Variants in CLMN observed in about 807,000 individuals in gnomAD.
CLMN encodes the protein calmin.
Under a neutral mutation model 92.7 loss-of-function variants are expected in CLMN, and 57 were observed. The ratio of observed to expected loss-of-function variants is 0.61; its 90% CI spans 0.50 to 0.77. The LOEUF (loss-of-function observed/expected upper bound fraction) is 0.77. CLMN is among the 30% of genes least tolerant of loss of function. The pLI is 0.00. For synonymous variants in CLMN, 466 were observed against 470.6 expected (o/e 0.99, Z 0.13); for missense variants, 1,158 against 1,237.5 (o/e 0.94, Z 0.96).
intron 9 of CLMN, among the ~76,000 whole-genome samples, chr14:95,200,229 G>A (rs185423695): frequency 1.1e-3 from 173 of 152,222 alleles, no homozygotes; most frequent in African/African-American, 3.6e-3. Context: ...GGATCTGGGT[G>A]GGAGCCTCCT....
In CLMN at chr14:95,215,578, T is replaced by C. The variant is rs1897313513; in HGVS notation, c.417+63A>G. 3 of 1,441,644 alleles carry C rather than the reference T, an allele frequency of 2.1e-6. No individual in the cohort carries two copies. The South Asian group carries it at 3.4e-5, about 16-fold the overall frequency. The allele number at this position is 1,441,644 out of a possible 1,614,324, so 89.3% of individuals were successfully genotyped here. ...CCTCCCTTAATCTGGCCCCACTCTC[T>C]TCTGTGGCTGCTCAGCAGACACAAG... On this transcript the variant is annotated intron_variant, in intron 5 of 12. Transcript: ENST00000298912.
At chr14:95,318,554 G>A (rs553275605) in intron 1 of CLMN, among the ~76,000 whole-genome samples, 139 of 152,180 alleles carry the variant, frequency 9.1e-4, no homozygotes, top group African/African-American at 2.8e-3. Flanking sequence ...ATCCCCCAGC[G>A]CTGGGGCTCC....
intron 4 of CLMN, among the ~76,000 whole-genome samples, chr14:95,216,834 G>A (rs1897365133): frequency 6.6e-6 from 1 of 152,196 alleles, no homozygotes; most frequent in South Asian, 2.1e-4. Flanking sequence ...TCTGTATCAC[G>A]TGGGACCCCC....
intron 1 of CLMN, among the ~76,000 whole-genome samples, chr14:95,265,755 G>A (rs1056260150): frequency 6.6e-6 from 1 of 152,200 alleles, no homozygotes; most frequent in Non-Finnish European, 1.5e-5. Context: ...CCTGTTGAAC[G>A]TTTACCTTCC....
chr14:95,297,473 C>T (rs1169138111), intron 1 of CLMN, among the ~76,000 whole-genome samples: 1 of 152,102 alleles, frequency 6.6e-6, no homozygotes, highest in Non-Finnish European at 1.5e-5. Context: ...TAGAATATTC[C>T]ATCACTCCCA....
intron 10 of CLMN, among the ~76,000 whole-genome samples, chr14:95,195,627 C>T (rs1451125372): frequency 3.3e-5 from 5 of 152,252 alleles, no homozygotes; most frequent in Non-Finnish European, 5.9e-5. Flanking sequence ...GAGTGGGACA[C>T]ATCTGAGTCC....
At chr14:95,216,403 A>G (rs937865667) in intron 4 of CLMN, among the ~76,000 whole-genome samples, 1 of 152,222 alleles carries the variant, frequency 6.6e-6, no homozygotes, top group Non-Finnish European at 1.5e-5. Flanking sequence ...AGGTACTTCT[A>G]TTGTCCCTCC....
At chr14:95,195,697 G>C (rs1896691104) in intron 10 of CLMN, among the ~76,000 whole-genome samples, 1 of 152,210 alleles carries the variant, frequency 6.6e-6, no homozygotes, top group African/African-American at 2.4e-5. Flanking sequence ...TGCCATATGA[G>C]GCACAGTCCC....
intron 1 of CLMN, among the ~76,000 whole-genome samples, chr14:95,233,498 G>A (rs553875107): frequency 3.5e-4 from 53 of 152,250 alleles, no homozygotes; most frequent in African/African-American, 1.3e-3. Context: ...AGATATTTAT[G>A]CAGTAATTAC....
chr14:95,196,601 T>C lies in CLMN; in HGVS notation c.2605A>G (p.Lys869Glu). 6.2e-7 allele frequency: 1 copy of C among 1,614,228 alleles called. No homozygotes were observed. Among genetic ancestry groups the C allele is most frequent in the Non-Finnish European group, 8.5e-7 (1 of 1,180,026 alleles). Residue 869 changes from lysine to glutamate, a missense_variant, in exon 10 of 13, where the codon AAA (lysine) becomes GAA (glutamate). Lys to Glu is a moderately conservative substitution (Grantham distance 56). Transcript: ENST00000298912. ...GAACTTTCTACGTGGTCCACATGTT[T>C]CCTTTTTTCCTTTTTTTTACTACTG... ...SISSKKKEKR[K>E]HVDHVESSLF... is the part of the protein sequence containing the mutation.
chr14:95,228,693 G>T (rs938908234), intron 2 of CLMN, among the ~76,000 whole-genome samples: 1 of 152,158 alleles, frequency 6.6e-6, no homozygotes, highest in African/African-American at 2.4e-5. Flanking sequence ...TTTGTTTTTT[G>T]AGACAGGGTC....
chr14:95,235,521 C>T (rs1048290177), intron 1 of CLMN, among the ~76,000 whole-genome samples: 2 of 152,186 alleles, frequency 1.3e-5, no homozygotes, highest in Non-Finnish European at 2.9e-5. Flanking sequence ...TTAACAGTCA[C>T]TTGAAACAAT....
At position 95,204,392 on chromosome 14, in the gene CLMN, A is replaced by G. The variant is rs759613385; in HGVS notation, c.957T>C (p.Ser319=). ...GAACGAAGACTTTGCTCTCCTGTTC[A>G]GAAGGAGTTTCTTTGATGCGAACAA... is the stretch of plus-strand genomic sequence containing the variant. ...STFVRIKETP[S]EQESKVFVLT... Residue 319 remains serine (S), a synonymous_variant, in exon 9 of 13, where the codon TCT becomes TCC. Coordinates refer to ENST00000298912, the MANE Select transcript of CLMN (RefSeq NM_024734.4). 3 of 1,613,998 alleles carry G rather than the reference A, an allele frequency of 1.9e-6. No individual in the cohort carries two copies. Among genetic ancestry groups the G allele is most frequent in the African/African-American group, 1.3e-5 (1 of 75,028 alleles).
chr14:95,309,355 G>A (rs1901427030), intron 1 of CLMN, among the ~76,000 whole-genome samples: 1 of 152,172 alleles, frequency 6.6e-6, no homozygotes. Flanking sequence ...TAGGGTAACG[G>A]CATTTCCAGG....
At chr14:95,310,793 G>T (rs934691996) in intron 1 of CLMN, among the ~76,000 whole-genome samples, 5 of 152,168 alleles carry the variant, frequency 3.3e-5, no homozygotes, top group African/African-American at 1.2e-4. Flanking sequence ...AAGGGACCTC[G>T]TGGACAAAGG....
At chr14:95,291,427 G>C (rs746752377) in intron 1 of CLMN, among the ~76,000 whole-genome samples, 18 of 152,224 alleles carry the variant, frequency 1.2e-4, no homozygotes, top group Non-Finnish European at 2.1e-4. Flanking sequence ...AAAAAACCCA[G>C]ACACACATCC....
chr14:95,279,209 CTAAAGA>C (rs1450460263), intron 1 of CLMN, among the ~76,000 whole-genome samples: 1 of 152,120 alleles, frequency 6.6e-6, no homozygotes. Context: ...TCTTTGGGAA[CTAAAGA>C]TAGTTTTAAA....
intron 3 of CLMN, among the ~76,000 whole-genome samples, chr14:95,222,993 C>T (rs955591550): frequency 6.6e-6 from 1 of 152,152 alleles, no homozygotes; most frequent in Admixed American, 6.5e-5. Flanking sequence ...GTTGCCAAGG[C>T]CAAATCAAAC....
intron 1 of CLMN, among the ~76,000 whole-genome samples, chr14:95,276,587 G>C (rs575748003): frequency 2.6e-5 from 4 of 152,116 alleles, no homozygotes; most frequent in African/African-American, 9.7e-5. Flanking sequence ...TCACCCCACC[G>C]CAGGCAATAC....
Sources: gnomAD v4.1 joint callset for allele counts (sites outside exome capture counted in the v4.1 genomes callset) on GRCh38, gnomAD v4.1.1 for gene constraint, MANE v1.5 for transcripts, NCBI Gene and HGNC (gene_info 2026-07-23, HGNC 2026-07-21) for gene names.